The following TGM3 variants were observed in gnomAD, a reference collection of about 807,000 sequenced individuals.
TGM3 encodes the protein transglutaminase 3.
Under a neutral mutation model 73.8 loss-of-function variants are expected in TGM3, and 52 were observed. That is an observed-to-expected ratio of 0.70 (90% CI 0.56 to 0.89). The LOEUF is 0.89. Among genes scored for constraint, TGM3 ranks in the 40% least tolerant of loss-of-function variants. TGM3 has a pLI of 0.00. For synonymous variants in TGM3, 372 were observed against 354.9 expected (o/e 1.05, Z -0.54); for missense variants, 928 against 909.9 (o/e 1.02, Z -0.26).
intron 2 of TGM3, 146 bp downstream of exon 2, chr20:2,309,976 T>C (rs2084194620): frequency 1.5e-6 from 2 of 1,366,310 alleles, no homozygotes; most frequent in Non-Finnish European, 1.0e-6. Flanking sequence ...CTTGGGCAAG[T>C]TGCTGTCCAT....
chr20:2,317,943 C>CATAT (rs61329150), intron 7 of TGM3, among the ~76,000 whole-genome samples: 80 of 36,222 alleles, frequency 2.2e-3, no homozygotes, highest in East Asian at 0.014. Context: ...ATATATATAT[C>CATAT]ATATATATAT....
chr20:2,306,502 A>T (rs2084177468), intron 1 of TGM3, among the ~76,000 whole-genome samples: 1 of 131,688 alleles, frequency 7.6e-6, no homozygotes, highest in Non-Finnish European at 1.6e-5. Flanking sequence ...TTTGAGATGG[A>T]ATCTCGCTCT....
intron 8 of TGM3, 38 bp downstream of exon 8, chr20:2,325,990 A>G (rs1456192171): frequency 6.4e-7 from 1 of 1,550,480 alleles, no homozygotes; most frequent in Admixed American, 1.9e-5. Flanking sequence ...CGTGAGCCTC[A>G]CAGTTATTTA....
intron 9 of TGM3, among the ~76,000 whole-genome samples, chr20:2,329,224 C>G (rs1394523257): frequency 6.6e-6 from 1 of 152,148 alleles, no homozygotes; most frequent in African/African-American, 2.4e-5. Flanking sequence ...AGAAAAGCAT[C>G]CTCATAAAGG....
chr20:2,326,151 C>T (rs958431228), intron 8 of TGM3, 199 bp downstream of exon 8: 2 of 610,678 alleles, frequency 3.3e-6, no homozygotes, highest in Non-Finnish European at 5.8e-6. Context: ...CTGCCCTGCA[C>T]CCACAATGGC....
intron 1 of TGM3, among the ~76,000 whole-genome samples, chr20:2,299,308 C>T (rs1258548075): frequency 6.6e-6 from 1 of 152,120 alleles, no homozygotes; most frequent in African/African-American, 2.4e-5. Context: ...TAATCAGGGG[C>T]GATTCCCAGG....
intron 5 of TGM3, among the ~76,000 whole-genome samples, chr20:2,316,846 C>T (rs977122072): frequency 1.3e-5 from 2 of 152,138 alleles, no homozygotes; most frequent in African/African-American, 4.8e-5. Flanking sequence ...CAAACATGGC[C>T]TGTTTGGGAA....
At chr20:2,323,299 G>C (rs192944818) in intron 7 of TGM3, among the ~76,000 whole-genome samples, 104 of 152,300 alleles carry the variant, frequency 6.8e-4, no homozygotes, top group Middle Eastern at 3.4e-3. Context: ...ACTTATGAGT[G>C]TGAACACACA....
chr20:2,321,123 A>G (rs1323870990), intron 7 of TGM3, among the ~76,000 whole-genome samples: 5 of 152,222 alleles, frequency 3.3e-5, no homozygotes, highest in African/African-American at 1.2e-4. Context: ...AGGAAGTGAC[A>G]GAGAGTGGTT....
At chr20:2,297,210 A>T (rs557639757) in intron 1 of TGM3, among the ~76,000 whole-genome samples, 1 of 152,354 alleles carries the variant, frequency 6.6e-6, no homozygotes, top group African/African-American at 2.4e-5. Flanking sequence ...AATCCATCGC[A>T]GAGCCAGCTA....
At chr20:2,323,208 C>G (rs977255285) in intron 7 of TGM3, among the ~76,000 whole-genome samples, 1 of 152,170 alleles carries the variant, frequency 6.6e-6, no homozygotes, top group African/African-American at 2.4e-5. Flanking sequence ...TATCCCTCAC[C>G]CCCTTCCCAC....
intron 11 of TGM3, among the ~76,000 whole-genome samples, chr20:2,338,691 G>A (rs748746559): frequency 1.4e-4 from 21 of 152,258 alleles, no homozygotes; most frequent in Middle Eastern, 3.4e-3. Flanking sequence ...TTGCTCTGAG[G>A]ATTAGTGACA....
Position 2,328,492 on chromosome 20 carries a change from T to G in TGM3, c.1333+127T>G. ...AGCCAGTTCTGCCTGAATGATAGGA[T>G]TGCTCCCTAGCACCTAACATCCACC... On this transcript the variant is annotated intron_variant, in intron 9 of 12. Coordinates refer to ENST00000381458, the MANE Select transcript of TGM3 (RefSeq NM_003245.4). This position sits in a 1 kb window ranked among gnomAD's most constrained non-coding sequence, Gnocchi z 5.2. 1 of 1,327,578 alleles carries G rather than the reference T, an allele frequency of 7.5e-7. No individual in the cohort carries two copies. The highest frequency in any genetic ancestry group is 1.4e-5 in the South Asian group (1 of 71,624). 82.2% of individuals were successfully genotyped at this position (1,327,578 alleles called of 1,614,324 possible).
In TGM3 at chr20:2,335,234, G is replaced by C. The variant is rs1215218693; in HGVS notation, c.1761G>C (p.Glu587Asp). 6.2e-7 allele frequency: 1 copy of C among 1,614,110 alleles called. No homozygotes were observed. Among genetic ancestry groups the C allele is most frequent in the Non-Finnish European group, 8.5e-7 (1 of 1,180,046 alleles). Reference protein sequence around the residue: ...KVPDESEVVVERDIILDNPTL... With the variant: ...KVPDESEVVVDRDIILDNPTL... The stretch of plus-strand genomic sequence containing the variant: ...CAGATGAGTCTGAGGTGGTGGTGGA[G>C]CGGGACATCATCCTGGACAACCCCA... The change falls in exon 11 of 13, where the codon GAG (glutamate) becomes GAC (aspartate). Residue 587 changes from glutamate to aspartate, a missense_variant. By Grantham distance (45) the Glu-to-Asp change is conservative. Coordinates refer to ENST00000381458, the MANE Select transcript of TGM3 (RefSeq NM_003245.4).
At chr20:2,298,829 A>T (rs1300134878) in intron 1 of TGM3, among the ~76,000 whole-genome samples, 2 of 152,100 alleles carry the variant, frequency 1.3e-5, no homozygotes, top group African/African-American at 4.8e-5. Flanking sequence ...CTCTCTGAAA[A>T]GGAGATGGCC....
Position 2,309,808 on chromosome 20 carries a change from A to G in TGM3, c.159A>G (p.Arg53=). The change falls in exon 2 of 13, where the codon AGA becomes AGG. Residue 53 remains arginine, a synonymous_variant. Transcript: ENST00000381458. The part of the protein sequence containing the change: ...IMNKGLGSNE[R]LEFIVSTGPY... ...ACAAAGGCCTTGGCTCTAACGAAAGACTGGAGTTCATTGTCTCCACAGGTA... is the reference window on the plus strand; with the variant it reads ...ACAAAGGCCTTGGCTCTAACGAAAGGCTGGAGTTCATTGTCTCCACAGGTA... 1 of 1,614,190 alleles carries G rather than the reference A, an allele frequency of 6.2e-7. No homozygotes were observed. The highest frequency in any genetic ancestry group is 1.1e-5 in the South Asian group (1 of 91,078).
chr20:2,333,745 TA>T (rs72160178), intron 10 of TGM3, among the ~76,000 whole-genome samples: 34 of 151,308 alleles, frequency 2.2e-4, no homozygotes, highest in East Asian at 7.8e-4. Context: ...TGGAAATAGT[TA>T]AAAAAAAACC....
intron 12 of TGM3, 77 bp downstream of exon 12, chr20:2,340,064 C>A: frequency 6.7e-7 from 1 of 1,500,300 alleles, no homozygotes; most frequent in Non-Finnish European, 9.1e-7. Flanking sequence ...CTGGGTGGGA[C>A]AGACAGAGCT....
At chr20:2,310,480 G>C (rs2084197965) in intron 3 of TGM3, 63 bp downstream of exon 3, 1 of 1,586,098 alleles carries the variant, frequency 6.3e-7, no homozygotes, top group Non-Finnish European at 8.6e-7. Context: ...AAGGGGATGG[G>C]GGAAATGATC....
Sources: gnomAD v4.1 joint callset for allele counts (sites outside exome capture counted in the v4.1 genomes callset) on GRCh38, gnomAD v4.1.1 for gene constraint, Gnocchi (gnomAD v3.1) non-coding constraint, MANE v1.5 for transcripts, NCBI Gene and HGNC (gene_info 2026-07-23, HGNC 2026-07-21) for gene names.